MYO3B: variants seen among roughly 807,000 people sequenced by gnomAD.
MYO3B encodes the protein myosin-IIIb.
MYO3B carries 156 observed loss-of-function variants against 174.6 expected under a neutral mutation model. The ratio of observed to expected loss-of-function variants is 0.89; its 90% confidence interval spans 0.78 to 1.02. The LOEUF is 1.02. MYO3B is among the 50% of genes least tolerant of loss of function. The pLI is 0.00. For missense variants in MYO3B, 1,632 were observed against 1,639.4 expected (o/e 1.00, Z 0.08); for synonymous variants, 563 against 569.1 (o/e 0.99, Z 0.15).
At chr2:170,631,398 T>C (rs1351769992) in intron 32 of MYO3B, among the ~76,000 whole-genome samples, 1 of 151,864 alleles carries the variant, frequency 6.6e-6, no homozygotes, top group African/African-American at 2.4e-5. Flanking sequence ...TAGGGGACTA[T>C]GTGAAAAGAC....
At chr2:170,219,044 T>C (rs2092862162) in intron 6 of MYO3B, among the ~76,000 whole-genome samples, 1 of 152,220 alleles carries the variant, frequency 6.6e-6, no homozygotes. Flanking sequence ...TACTGATGTG[T>C]CTTTCCTTTA....
At chr2:170,292,196 A>T (rs1301520918) in intron 7 of MYO3B, among the ~76,000 whole-genome samples, 1 of 151,996 alleles carries the variant, frequency 6.6e-6, no homozygotes, top group Non-Finnish European at 1.5e-5. Flanking sequence ...TGTTTGGTCC[A>T]TTCTGCTATT....
intron 7 of MYO3B, among the ~76,000 whole-genome samples, chr2:170,251,397 G>A (rs543245442): frequency 6.6e-6 from 1 of 152,054 alleles, no homozygotes; most frequent in Admixed American, 6.6e-5. Flanking sequence ...TAGGAAAATG[G>A]TTTTTATAGG....
chr2:170,334,819 C>T (rs1350632810), intron 7 of MYO3B: 1 of 152,168 alleles, frequency 6.6e-6, no homozygotes, highest in Admixed American at 6.6e-5. Context: ...CTGTCTCCTT[C>T]TCTACCCAGG....
intron 32 of MYO3B, among the ~76,000 whole-genome samples, chr2:170,648,481 C>G (rs1394542039): frequency 1.3e-5 from 2 of 151,198 alleles, no homozygotes; most frequent in African/African-American, 4.9e-5. Flanking sequence ...AATACAAAAA[C>G]TTAGCTGGGT....
chr2:170,525,361 T>C (rs1575115829), intron 30 of MYO3B, among the ~76,000 whole-genome samples: 1 of 152,246 alleles, frequency 6.6e-6, no homozygotes, highest in South Asian at 2.1e-4. Context: ...GTTCCCATGA[T>C]GGTAATCCCC....
chr2:170,647,564 A>G (rs73976209), intron 32 of MYO3B, among the ~76,000 whole-genome samples: 303 of 152,332 alleles, frequency 2.0e-3, no homozygotes, highest in African/African-American at 6.8e-3. Flanking sequence ...AACATTGTGA[A>G]ATATGGAAAA....
At chr2:170,568,402 A>G (rs975606733) in intron 32 of MYO3B, among the ~76,000 whole-genome samples, 6 of 152,214 alleles carry the variant, frequency 3.9e-5, no homozygotes, top group Admixed American at 3.3e-4. Flanking sequence ...CTCTCTAACA[A>G]TAAATATTCA....
At position 170,479,493 on chromosome 2, in the gene MYO3B, T is replaced by G. The variant is rs1174711144; in HGVS notation, c.3014+12782T>G. 4.8e-5 allele frequency among the ~76,000 whole-genome samples: 7 copies of G among 145,806 alleles called. No individual in the cohort carries two copies. In the South Asian group the frequency reaches 1.5e-3, roughly 31 times the overall value. On this transcript the variant is annotated intron_variant, in intron 25 of 34. Transcript: ENST00000408978. ...CACATATATTTTAAAAACCTATATA[T>G]AAATATATGTTTTATATATATACAT...
At chr2:170,470,956 A>G (rs768386357) in intron 25 of MYO3B, among the ~76,000 whole-genome samples, 8 of 151,312 alleles carry the variant, frequency 5.3e-5, no homozygotes, top group Non-Finnish European at 7.4e-5. Context: ...CTTATCACAT[A>G]GATAATTTGC....
intron 7 of MYO3B, among the ~76,000 whole-genome samples, chr2:170,279,418 G>A (rs563691417): frequency 6.6e-6 from 1 of 151,672 alleles, no homozygotes; most frequent in South Asian, 2.1e-4. Context: ...TTACCCCTTG[G>A]TATGTCTTTT....
intron 22 of MYO3B, among the ~76,000 whole-genome samples, chr2:170,417,020 G>A (rs958958571): frequency 3.3e-5 from 5 of 151,872 alleles, no homozygotes; most frequent in African/African-American, 7.3e-5. Context: ...GTAGAGACGG[G>A]GTTTCACTGC....
chr2:170,634,117 C>A (rs1021372780), intron 32 of MYO3B, among the ~76,000 whole-genome samples: 4 of 152,168 alleles, frequency 2.6e-5, no homozygotes, highest in Non-Finnish European at 5.9e-5. Flanking sequence ...AAAAAAACTA[C>A]TTTAAAGTTC....
intron 32 of MYO3B, among the ~76,000 whole-genome samples, chr2:170,554,135 T>A (rs1367995641): frequency 4.6e-5 from 7 of 152,202 alleles, no homozygotes; most frequent in Admixed American, 2.6e-4. Context: ...TTACTAGATC[T>A]GGGTTTTTGG....
In MYO3B at chr2:170,611,089, C is replaced by T. The variant is rs150916695; in HGVS notation, c.3734-40539C>T. 9.9e-3 allele frequency among the ~76,000 whole-genome samples: 1,514 copies of T among 152,198 alleles called. 35 individuals carry two copies. Among genetic ancestry groups the T allele is most frequent in the African/African-American group, 0.034 (1,423 of 41,536 alleles). ...AACCTCCATGTAGGATTCAGATTTA[C>T]CCCAGTGAAAGGCATGGCAAATTCA... On this transcript the variant is annotated intron_variant, in intron 32 of 34. Coordinates refer to ENST00000408978, the MANE Select transcript of MYO3B (RefSeq NM_138995.5).
intron 7 of MYO3B, among the ~76,000 whole-genome samples, chr2:170,296,125 A>G (rs1240604591): frequency 6.6e-6 from 1 of 152,216 alleles, no homozygotes; most frequent in Non-Finnish European, 1.5e-5. Context: ...CAAAGGTGGA[A>G]GATCTTTCCC....
At chr2:170,200,481 C>T (rs531198700) in intron 3 of MYO3B, among the ~76,000 whole-genome samples, 197 bp downstream of exon 3, 1 of 152,174 alleles carries the variant, frequency 6.6e-6, no homozygotes, top group Non-Finnish European at 1.5e-5. Flanking sequence ...ATTTTTGTTT[C>T]TCTGCTTCAG....
chr2:170,308,375 G>A (rs539127890), intron 7 of MYO3B, among the ~76,000 whole-genome samples: 89 of 152,306 alleles, frequency 5.8e-4, no homozygotes, highest in Admixed American at 2.2e-3. Flanking sequence ...TGCTGAGTGC[G>A]ACACATGCAT....
chr2:170,278,495 A>G (rs2093479976), intron 7 of MYO3B, among the ~76,000 whole-genome samples: 2 of 152,156 alleles, frequency 1.3e-5, no homozygotes, highest in Non-Finnish European at 2.9e-5. Flanking sequence ...ACTGATACAG[A>G]ATATTTGTGC....
Sources: allele counts gnomAD v4.1 joint callset (sites outside exome capture counted in the v4.1 genomes callset), GRCh38; gene constraint gnomAD v4.1.1; transcripts MANE v1.5; gene names NCBI Gene and HGNC (gene_info 2026-07-23, HGNC 2026-07-21).